Variants in VPS13B observed in about 807,000 individuals in gnomAD.
The protein encoded by VPS13B is intermembrane lipid transfer protein VPS13B.
A neutral mutation model predicts 426.4 loss-of-function variants in VPS13B; 285 were observed. That is an observed-to-expected ratio of 0.67 (90% CI 0.61 to 0.74). The LOEUF is 0.74. Among genes scored for constraint, VPS13B ranks in the 30% least tolerant of loss-of-function variants. The probability of loss-of-function intolerance (pLI) is 0.00; values close to 1 mark genes in which losing one functional copy is unlikely to be tolerated. For missense variants in VPS13B, 4,537 were observed against 4,782.6 expected (o/e 0.95, Z 1.51); for synonymous variants, 1,676 against 1,676.4 (o/e 1.00, Z 0.01).
intron 2 of VPS13B, among the ~76,000 whole-genome samples, chr8:99,037,215 T>C (rs1563497857): frequency 6.6e-6 from 1 of 151,990 alleles, no homozygotes; most frequent in Non-Finnish European, 1.5e-5. Context: ...ATCTAAAAAT[T>C]GTAACATTCC....
At chr8:99,133,035 T>C (rs1809885653) in intron 8 of VPS13B, among the ~76,000 whole-genome samples, 1 of 152,214 alleles carries the variant, frequency 6.6e-6, no homozygotes, top group Non-Finnish European at 1.5e-5. Flanking sequence ...AGCATCCGCC[T>C]GTATTTTGAA....
chr8:99,754,869 A>G (rs957428186), intron 39 of VPS13B, among the ~76,000 whole-genome samples: 1 of 152,140 alleles, frequency 6.6e-6, no homozygotes, highest in Admixed American at 6.6e-5. Flanking sequence ...TTCAGGGGCA[A>G]AAGGCCTCCC....
At chr8:99,464,099 A>G (rs111489921) in intron 23 of VPS13B, among the ~76,000 whole-genome samples, 232 of 152,296 alleles carry the variant, frequency 1.5e-3, no homozygotes, top group African/African-American at 5.1e-3. Flanking sequence ...CTCGAGTGTT[A>G]TACTCACAAT....
At chr8:99,518,527 G>C (rs1160613111) in intron 29 of VPS13B, among the ~76,000 whole-genome samples, 1 of 152,052 alleles carries the variant, frequency 6.6e-6, no homozygotes, top group Non-Finnish European at 1.5e-5. Flanking sequence ...GCTAATATTT[G>C]TTATGATAGT....
rs1345250012 is a variant in VPS13B at position 99,391,597 on chromosome 8, G to A, written c.2975G>A (p.Arg992Lys). The change falls in exon 21 of 62, where the codon AGA becomes AAA. Residue 992 changes from arginine (R) to lysine (K), a missense_variant. This residue lies in a region of VPS13B where 4,311 missense variants were observed against 4,474.3 expected (regional missense o/e 0.96). Coordinates refer to ENST00000357162, the MANE Select transcript of VPS13B (RefSeq NM_152564.5). ...VAVPLVMPVC[R>K]RKEDEVSIGS... ...GTTCCTCTTGTTATGCCAGTTTGTAGAAGGAAAGAGGATGAGGTGTCTATT... is the reference window on the plus strand; with the variant it reads ...GTTCCTCTTGTTATGCCAGTTTGTAAAAGGAAAGAGGATGAGGTGTCTATT... The A allele has an allele frequency of 1.2e-6, 2 of 1,614,068 alleles. No homozygotes were observed. Among genetic ancestry groups the A allele is most frequent in the African/African-American group, 2.7e-5 (2 of 74,918 alleles).
chr8:99,618,435 C>A (rs1354763054), intron 33 of VPS13B, among the ~76,000 whole-genome samples: 1 of 152,144 alleles, frequency 6.6e-6, no homozygotes, highest in Non-Finnish European at 1.5e-5. Flanking sequence ...TAGTTAATTG[C>A]ATTCTCAAAA....
At position 99,676,750 on chromosome 8, in the gene VPS13B, A is replaced by G. The variant is rs557196993; in HGVS notation, c.6046+15259A>G. On this transcript the variant is annotated intron_variant, in intron 35 of 61. Coordinates refer to ENST00000357162, the MANE Select transcript of VPS13B (RefSeq NM_152564.5). ...TGTTGCTATGAGGGGATGATCGCTG[A>G]AGAGTCCTATTCCACCATCTTGCTC... Among the ~76,000 whole-genome samples the G allele has an allele frequency of 4.6e-4, 70 of 152,160 alleles. No homozygotes were observed. The East Asian group carries it at 0.011, about 24-fold the overall frequency.
intron 42 of VPS13B, among the ~76,000 whole-genome samples, chr8:99,782,137 A>T (rs1812053706): frequency 6.6e-6 from 1 of 152,162 alleles, no homozygotes. Context: ...AAAATTAAAG[A>T]TTTTTAAAAA....
At chr8:99,421,440 G>A (rs1366775336) in intron 21 of VPS13B, among the ~76,000 whole-genome samples, 1 of 152,076 alleles carries the variant, frequency 6.6e-6, no homozygotes, top group African/African-American at 2.4e-5. Context: ...TTGTACATTT[G>A]ATAAAACTAG....
In VPS13B at chr8:99,058,869, A is replaced by T. The variant is rs1844029360; in HGVS notation, c.291+20303A>T. 1.3e-5 allele frequency among the ~76,000 whole-genome samples: 2 copies of T among 152,070 alleles called. 1 individual carries two copies. The highest frequency in any genetic ancestry group is 4.1e-4 in the South Asian group (2 of 4,832). The stretch of plus-strand genomic sequence containing the variant: ...ATTGGTGTGGATTTTGGTGCTGTTG[A>T]TTTAGATTCTTTTCAGACTTGTCTG... On this transcript the variant is annotated intron_variant, in intron 3 of 61. Coordinates refer to ENST00000357162, the MANE Select transcript of VPS13B (RefSeq NM_152564.5).
At chr8:99,291,198 AAG>A (rs1196039932) in intron 19 of VPS13B, among the ~76,000 whole-genome samples, 3 of 152,084 alleles carry the variant, frequency 2.0e-5, no homozygotes, top group Admixed American at 2.0e-4. Context: ...GGCCAAAAGA[AAG>A]AGCACAGTAG....
intron 39 of VPS13B, among the ~76,000 whole-genome samples, chr8:99,725,535 T>C (rs977859794): frequency 8.5e-5 from 13 of 152,198 alleles, no homozygotes; most frequent in Non-Finnish European, 1.8e-4. Context: ...CCCCTTGGTC[T>C]ATGGAAAAAT....
intron 8 of VPS13B, among the ~76,000 whole-genome samples, chr8:99,133,458 A>T (rs575856807): frequency 3.5e-4 from 53 of 152,250 alleles, no homozygotes; most frequent in African/African-American, 1.3e-3. Flanking sequence ...TTGTGTGTAC[A>T]ATTTTAATTT....
intron 12 of VPS13B, among the ~76,000 whole-genome samples, chr8:99,141,880 TAAAAA>T (rs371079413): frequency 9.1e-6 from 1 of 109,954 alleles, no homozygotes; most frequent in Non-Finnish European, 1.9e-5. Flanking sequence ...CTGTCTCTAC[TAAAAA>T]AAAAAAAAAA....
At chr8:99,442,201 T>G (rs1004218403) in intron 22 of VPS13B, among the ~76,000 whole-genome samples, 200 bp from the exon 23 acceptor site, 65 of 152,190 alleles carry the variant, frequency 4.3e-4, no homozygotes, top group African/African-American at 1.5e-3. Context: ...CTCTTGTCAC[T>G]AGGCATTTTG....
intron 20 of VPS13B, among the ~76,000 whole-genome samples, chr8:99,390,085 C>A (rs779198194): frequency 2.0e-5 from 3 of 151,426 alleles, no homozygotes; most frequent in African/African-American, 4.8e-5. Context: ...TTTATTTAAT[C>A]TTTTCTCATT....
intron 23 of VPS13B, among the ~76,000 whole-genome samples, chr8:99,459,213 C>G (rs1455868940): frequency 6.6e-6 from 1 of 152,146 alleles, no homozygotes; most frequent in Non-Finnish European, 1.5e-5. Context: ...CTGCAGCATT[C>G]TATTAATATA....
intron 33 of VPS13B, among the ~76,000 whole-genome samples, chr8:99,627,595 G>A (rs971742915): frequency 6.6e-6 from 1 of 152,024 alleles, no homozygotes; most frequent in African/African-American, 2.4e-5. Flanking sequence ...TGTTGGCCAG[G>A]CTGGCCTTGA....
Position 99,149,766 on chromosome 8 carries a change from G to A in VPS13B, c.2013+1756G>A, listed in dbSNP as rs959147873. Among the ~76,000 whole-genome samples, 12 of 152,054 alleles carry A rather than the reference G, an allele frequency of 7.9e-5. 1 individual carries two copies. Among genetic ancestry groups the A allele is most frequent in the South Asian group, 6.2e-4 (3 of 4,814 alleles). ...AGAGGTGAATGGCAGGTGAGTGAGCGTTACCACCTGAGCTCCGCCTCCTGT... is the reference window on the plus strand; with the variant it reads ...AGAGGTGAATGGCAGGTGAGTGAGCATTACCACCTGAGCTCCGCCTCCTGT... On this transcript the variant is annotated intron_variant, in intron 14 of 61. Transcript: ENST00000357162.
Sources: gnomAD v4.1 joint callset for allele counts (sites outside exome capture counted in the v4.1 genomes callset) on GRCh38, gnomAD v4.1.1 for gene constraint, gnomAD v4.1.1 regional missense constraint, MANE v1.5 for transcripts, NCBI Gene and HGNC (gene_info 2026-07-23, HGNC 2026-07-21) for gene names.